The following TRPS1 variants were observed in gnomAD, a reference collection of about 807,000 sequenced individuals.
The protein encoded by TRPS1 is transcriptional repressor GATA binding 1, also known as zinc finger transcription factor Trps1.
TRPS1 carries 6 observed loss-of-function variants against 101.2 expected under a neutral mutation model. That is an observed-to-expected ratio of 0.06 (90% CI 0.03 to 0.12). The LOEUF is 0.12. Among genes scored for constraint, TRPS1 ranks in the 10% least tolerant of loss-of-function variants. The probability of loss-of-function intolerance (pLI) is 1.00; values close to 1 mark genes in which losing one functional copy is unlikely to be tolerated. For missense variants in TRPS1, 1,363 were observed against 1,567.0 expected, an observed-to-expected ratio of 0.87 and a Z score of 2.20; for synonymous variants, 578 against 589.8, an observed-to-expected ratio of 0.98 and a Z score of 0.29.
intron 5 of TRPS1, among the ~76,000 whole-genome samples, chr8:115,444,582 T>C (rs1219332352): frequency 1.3e-5 from 2 of 152,226 alleles, no homozygotes; most frequent in Non-Finnish European, 2.9e-5. Flanking sequence ...TAAACTTGAC[T>C]ATATCTCCCA....
At chr8:115,582,918 A>C (rs2130432305) in intron 5 of TRPS1, among the ~76,000 whole-genome samples, 1 of 152,292 alleles carries the variant, frequency 6.6e-6, no homozygotes, top group Non-Finnish European at 1.5e-5. Context: ...GTTATCTATA[A>C]CATTCCGTTT....
At chr8:115,555,614 G>T (rs1433911997) in intron 5 of TRPS1, among the ~76,000 whole-genome samples, 1 of 152,018 alleles carries the variant, frequency 6.6e-6, no homozygotes, top group Admixed American at 6.6e-5. Context: ...TATGTGGTCA[G>T]GTGGGCAGAG....
intron 5 of TRPS1, among the ~76,000 whole-genome samples, chr8:115,435,620 T>C (rs1239285175): frequency 6.6e-6 from 1 of 152,018 alleles, no homozygotes; most frequent in Non-Finnish European, 1.5e-5. Flanking sequence ...TAAGTAAAAA[T>C]CAGATGTAAC....
intron 5 of TRPS1, among the ~76,000 whole-genome samples, chr8:115,433,333 C>G (rs1813369078): frequency 6.6e-6 from 1 of 151,910 alleles, no homozygotes; most frequent in Admixed American, 6.6e-5. Flanking sequence ...GAAAAATTCT[C>G]TAAGTTTCTT....
intron 5 of TRPS1, among the ~76,000 whole-genome samples, chr8:115,479,283 C>G (rs935877694): frequency 6.6e-6 from 1 of 152,036 alleles, no homozygotes; most frequent in African/African-American, 2.4e-5. Flanking sequence ...TAGTCTGGTA[C>G]AGGAGGCAAC....
Position 115,551,687 on chromosome 8 carries a change from CTT to C in TRPS1, c.2700+35312_2700+35313del, listed in dbSNP as rs1054424161. 1.4e-4 allele frequency among the ~76,000 whole-genome samples: 22 copies of C among 151,972 alleles called. 1 individual carries two copies. Among genetic ancestry groups the C allele is most frequent in the African/African-American group, 4.3e-4 (18 of 41,418 alleles). On this transcript the variant is annotated intron_variant, in intron 5 of 6. Transcript: ENST00000395715. Reference sequence around the variant, plus strand: ...GTTTTTCAAAGTGCTTTTGAATAGACTTATATCTAGTTTCTAAAACATCTTAT... The same window carrying C: ...GTTTTTCAAAGTGCTTTTGAATAGACATATCTAGTTTCTAAAACATCTTAT...
At chr8:115,515,251 C>T in intron 5 of TRPS1, 1 of 698,122 alleles carries the variant, frequency 1.4e-6, no homozygotes, top group African/African-American at 1.8e-5. Context: ...GACTAAACTG[C>T]TCTTCGGGAG....
At chr8:115,628,885 G>A (rs1037360320) in intron 1 of TRPS1, among the ~76,000 whole-genome samples, 7 of 151,798 alleles carry the variant, frequency 4.6e-5, no homozygotes, top group Admixed American at 6.6e-5. Flanking sequence ...AAGTTTAATG[G>A]AAACTGTATA....
rs1173903245 is a variant in TRPS1 at position 115,553,399 on chromosome 8, C to G, written c.2700+33602G>C. 2.0e-5 allele frequency among the ~76,000 whole-genome samples: 3 copies of G among 152,082 alleles called. No homozygotes were observed. In the East Asian group the frequency reaches 5.8e-4, roughly 29 times the overall value. On this transcript the variant is annotated intron_variant, in intron 5 of 6. Coordinates refer to ENST00000395715, the MANE Select transcript of TRPS1 (RefSeq NM_014112.5). ...ATCCACATTCTGAATGTTTAACTCACTCTATGTATAGGTATATGTAAATCC... is the reference window on the plus strand; with the variant it reads ...ATCCACATTCTGAATGTTTAACTCAGTCTATGTATAGGTATATGTAAATCC...
intron 5 of TRPS1, among the ~76,000 whole-genome samples, chr8:115,574,336 C>T (rs1277965061): frequency 1.3e-5 from 2 of 152,072 alleles, no homozygotes; most frequent in African/African-American, 4.8e-5. Context: ...ATCCTGAATC[C>T]ATATGAATAC....
chr8:115,663,263 T>TA (rs1220240893), intron 1 of TRPS1, among the ~76,000 whole-genome samples: 1 of 151,806 alleles, frequency 6.6e-6, no homozygotes, highest in African/African-American at 2.4e-5. Flanking sequence ...TTTTTTTTTT[T>TA]AAATGGCATT....
intron 1 of TRPS1, among the ~76,000 whole-genome samples, chr8:115,633,823 A>G (rs1408176991): frequency 6.6e-6 from 1 of 152,182 alleles, no homozygotes; most frequent in East Asian, 1.9e-4. Flanking sequence ...TCTATGTAAT[A>G]TCAGTAGACC....
rs1438825778 is a variant in TRPS1 at position 115,464,468 on chromosome 8, T to G, written c.2701-46016A>C. Among the ~76,000 whole-genome samples the G allele has an allele frequency of 2.0e-5, 3 of 152,040 alleles. No individual in the cohort carries two copies. In the East Asian group the frequency reaches 5.8e-4, roughly 29 times the overall value. ...TAGGAAACTGTCTGAAGTCTGAGAG[T>G]GTAGTTCATTATTTGTGCTTGTCTC... On this transcript the variant is annotated intron_variant, in intron 5 of 6. Coordinates refer to ENST00000395715, the MANE Select transcript of TRPS1 (RefSeq NM_014112.5).
chr8:115,432,277 C>T (rs1452313421), intron 5 of TRPS1, among the ~76,000 whole-genome samples: 8 of 151,730 alleles, frequency 5.3e-5, no homozygotes, highest in East Asian at 1.9e-4. Flanking sequence ...TTTTAAAACA[C>T]GTGCAGTTAC....
chr8:115,509,582 A>G (rs756809487), intron 5 of TRPS1: 1 of 152,070 alleles, frequency 6.6e-6, no homozygotes, highest in Non-Finnish European at 1.5e-5. Context: ...AAGACTAATT[A>G]ATGTTCTTAT....
chr8:115,594,172 G>A (rs570156118), intron 4 of TRPS1, among the ~76,000 whole-genome samples: 1 of 152,012 alleles, frequency 6.6e-6, no homozygotes, highest in Non-Finnish European at 1.5e-5. Flanking sequence ...CCCTTCATTA[G>A]TTAAAAACTC....
At chr8:115,626,830 C>T (rs1818518897) in intron 1 of TRPS1, among the ~76,000 whole-genome samples, 1 of 151,666 alleles carries the variant, frequency 6.6e-6, no homozygotes, top group African/African-American at 2.4e-5. Flanking sequence ...AGCCCAAACA[C>T]ATTTTATTAG....
At chr8:115,469,449 A>T (rs1358835287) in intron 5 of TRPS1, among the ~76,000 whole-genome samples, 1 of 152,152 alleles carries the variant, frequency 6.6e-6, no homozygotes, top group East Asian at 1.9e-4. Context: ...AGCCACAATC[A>T]TATAATTGCT....
intron 1 of TRPS1, among the ~76,000 whole-genome samples, chr8:115,636,106 C>A (rs1450194954): frequency 1.3e-5 from 2 of 150,802 alleles, no homozygotes; most frequent in Non-Finnish European, 2.9e-5. Context: ...TTTTTATCAT[C>A]AGGAATTAAA....
Sources: gnomAD v4.1 joint callset for allele counts (sites outside exome capture counted in the v4.1 genomes callset) on GRCh38, gnomAD v4.1.1 for gene constraint, MANE v1.5 for transcripts, NCBI Gene and HGNC (gene_info 2026-07-23, HGNC 2026-07-21) for gene names.